ADPRM: variants seen among roughly 807,000 people sequenced by gnomAD.
The protein encoded by ADPRM is ADP-ribose/CDP-alcohol diphosphatase, manganese dependent.
A neutral mutation model predicts 27.2 loss-of-function variants in ADPRM; 17 were observed. That is an observed-to-expected ratio of 0.63 (90% CI 0.43 to 0.94). The LOEUF (loss-of-function observed/expected upper bound fraction) is 0.94. Ranked by LOEUF, ADPRM falls within the 40% of genes least tolerant of loss-of-function variation. The pLI is 0.00. For synonymous variants in ADPRM, 135 were observed against 145.3 expected (o/e 0.93, Z 0.51); for missense variants, 337 against 412.8 (o/e 0.82, Z 1.59).
chr17:10,710,152 A>G (rs931432553), intron 3 of ADPRM, among the ~76,000 whole-genome samples: 1 of 152,166 alleles, frequency 6.6e-6, no homozygotes, highest in Non-Finnish European at 1.5e-5. Flanking sequence ...CCCAGGCTGA[A>G]GTGTGGTGGT....
In ADPRM at chr17:10,702,296, T is replaced by C. The variant is rs2074784179; in HGVS notation, c.-17-2614T>C. On this transcript the variant is annotated intron_variant, in intron 1 of 3. Transcript: ENST00000379774. This position sits in a 1 kb window ranked among gnomAD's most constrained non-coding sequence, Gnocchi z 4.2. ...CCTTGGTGCTTCTCTCCACATTAAC[T>C]TTCCTTAAAAATTGCCAGTTCTTAG... Among the ~76,000 whole-genome samples the C allele has an allele frequency of 6.6e-6, 1 of 152,222 alleles. No individual in the cohort carries two copies. The highest frequency in any genetic ancestry group is 2.1e-4 in the South Asian group (1 of 4,836).
Position 10,711,314 on chromosome 17 carries a change from T to C in ADPRM, c.*170T>C. 1 of 640,136 alleles carries C rather than the reference T, an allele frequency of 1.6e-6. No individual in the cohort carries two copies. Among genetic ancestry groups the C allele is most frequent in the Non-Finnish European group, 2.6e-6 (1 of 382,106 alleles). The allele number at this position is 640,136 out of a possible 1,614,324, so 39.7% of individuals were successfully genotyped here. On this transcript the variant is annotated 3_prime_UTR_variant, in exon 4 of 4. Transcript: ENST00000379774. The stretch of plus-strand genomic sequence containing the variant: ...TACTCAGAAATGTTATTTTGGATCA[T>C]GTATCCATTGTAAGTTAGAAACAAA...
At chr17:10,707,805 T>C (rs1396915336) in intron 3 of ADPRM, among the ~76,000 whole-genome samples, 1 of 152,166 alleles carries the variant, frequency 6.6e-6, no homozygotes, top group African/African-American at 2.4e-5. Flanking sequence ...TCATATAGAA[T>C]CATTTTTGAT....
chr17:10,705,784 A>C lies in ADPRM; in HGVS notation c.601+257A>C. 1 of 492,612 alleles carries C rather than the reference A, an allele frequency of 2.0e-6. No homozygotes were observed. Among genetic ancestry groups the C allele is most frequent in the Non-Finnish European group, 3.6e-6 (1 of 277,888 alleles). 30.5% of individuals were successfully genotyped at this position (492,612 alleles called of 1,614,324 possible). ...CCGAGCTGTAAACAATACTAACAAT[A>C]TTACTTTTTTGATGGATGGAATGGA... On this transcript the variant is annotated intron_variant, in intron 2 of 3. Coordinates refer to ENST00000379774, the MANE Select transcript of ADPRM (RefSeq NM_020233.5). The surrounding 1 kb of genome is among the most constrained non-coding windows in gnomAD (Gnocchi z 5.4).
At position 10,710,994 on chromosome 17, in the gene ADPRM, C is replaced by T. The variant is rs146226049; in HGVS notation, c.879C>T (p.His293=). The change falls in exon 4 of 4, where the codon CAC becomes CAT. Residue 293 remains histidine (H), a synonymous_variant. Coordinates refer to ENST00000379774, the MANE Select transcript of ADPRM (RefSeq NM_020233.5). The part of the protein sequence containing the change: ...GYSEDPFGVY[H]VNLEGVIETA... Reference sequence around the variant, plus strand: ...CTGAGGATCCTTTTGGTGTATACCACGTCAACCTAGAAGGAGTTATTGAAA... The same window carrying T: ...CTGAGGATCCTTTTGGTGTATACCATGTCAACCTAGAAGGAGTTATTGAAA... 9.1e-4 allele frequency: 1,461 copies of T among 1,614,110 alleles called. 5 individuals carry two copies. The highest frequency in any genetic ancestry group is 1.4e-3 in the South Asian group (131 of 91,082).
chr17:10,702,910 T>C lies in ADPRM; in HGVS notation c.-17-2000T>C, dbSNP rs143199272. Among the ~76,000 whole-genome samples the C allele has an allele frequency of 2.7e-3, 415 of 152,302 alleles. 5 individuals carry two copies. Among genetic ancestry groups the C allele is most frequent in the African/African-American group, 9.5e-3 (394 of 41,562 alleles). The stretch of plus-strand genomic sequence containing the variant: ...TCCACTGGAGAGAAGATCCAATTCA[T>C]TGGGACTAAATCCCCTCTAGGAGAT... On this transcript the variant is annotated intron_variant, in intron 1 of 3. Coordinates refer to ENST00000379774, the MANE Select transcript of ADPRM (RefSeq NM_020233.5). This position sits in a 1 kb window ranked among gnomAD's most constrained non-coding sequence, Gnocchi z 4.2.
intron 3 of ADPRM, 84 bp from the exon 4 acceptor site, chr17:10,710,750 C>A: frequency 7.6e-7 from 1 of 1,319,708 alleles, no homozygotes; most frequent in Non-Finnish European, 1.0e-6. Context: ...TTTTCTTTTT[C>A]TGAGTACTAG....
At chr17:10,700,695 T>G (rs1346136436) in intron 1 of ADPRM, among the ~76,000 whole-genome samples, 1 of 150,070 alleles carries the variant, frequency 6.7e-6, no homozygotes, top group Non-Finnish European at 1.5e-5. Flanking sequence ...GCCCAGGAAG[T>G]CGAGGCTACA....
At chr17:10,708,204 G>T (rs1431322273) in intron 3 of ADPRM, among the ~76,000 whole-genome samples, 1 of 152,054 alleles carries the variant, frequency 6.6e-6, no homozygotes, top group Admixed American at 6.6e-5. Context: ...GCTGAGGTGG[G>T]CAGATCATGA....
Position 10,705,493 on chromosome 17 carries a change from G to A in ADPRM, c.567G>A (p.Glu189=). The part of the protein sequence containing the change: ...KYEQCMKILR[E]HNPNTELNSP... The stretch of plus-strand genomic sequence containing the variant: ...AGCAGTGTATGAAGATATTGAGGGA[G>A]CACAATCCAAATACGGAACTGAATA... The change falls in exon 2 of 4, where the codon GAG becomes GAA. Residue 189 remains glutamate, a synonymous_variant. Transcript: ENST00000379774. The surrounding 1 kb of genome is among the most constrained non-coding windows in gnomAD (Gnocchi z 5.4). The A allele has an allele frequency of 1.9e-6, 3 of 1,613,776 alleles. No individual in the cohort carries two copies. The highest frequency in any genetic ancestry group is 2.5e-6 in the Non-Finnish European group (3 of 1,179,926).
At chr17:10,706,617 A>G in intron 3 of ADPRM, 63 bp downstream of exon 3, 1 of 1,181,670 alleles carries the variant, frequency 8.5e-7, no homozygotes, top group Non-Finnish European at 1.2e-6. Context: ...TAGGCGTTAA[A>G]GCATACTAAC....
chr17:10,699,918 C>T (rs913539238), intron 1 of ADPRM, among the ~76,000 whole-genome samples: 1 of 152,152 alleles, frequency 6.6e-6, no homozygotes, highest in South Asian at 2.1e-4. Context: ...AGATTTTGTT[C>T]TTGACATAAC....
chr17:10,704,085 T>A (rs2074796735), intron 1 of ADPRM, among the ~76,000 whole-genome samples: 1 of 152,108 alleles, frequency 6.6e-6, no homozygotes, highest in East Asian at 1.9e-4. Context: ...GTCTCTTACC[T>A]GTAATCCCAG....
intron 3 of ADPRM, among the ~76,000 whole-genome samples, chr17:10,709,291 C>A (rs991442223): frequency 9.9e-5 from 15 of 152,020 alleles, no homozygotes; most frequent in Non-Finnish European, 2.1e-4. Flanking sequence ...GTTGAGTGGG[C>A]AGTTTGGACA....
Position 10,704,919 on chromosome 17 carries a change from T to G in ADPRM, c.-8T>G, listed in dbSNP as rs768033059. 4 of 1,561,594 alleles carry G rather than the reference T, an allele frequency of 2.6e-6. No homozygotes were observed. Among genetic ancestry groups the G allele is most frequent in the Non-Finnish European group, 1.7e-6 (2 of 1,157,492 alleles). ...TTTTTACTTTATTTAGAAACCTGTT[T>G]GGAGGTTATGGATGATAAACCCAAT... On this transcript the variant is annotated 5_prime_UTR_variant, in exon 2 of 4. Transcript: ENST00000379774.
rs759343229 is a variant in ADPRM at position 10,697,625 on chromosome 17, T to G, written c.-60T>G. ...CCCGCTCGTTGGTGGCGCTGTTACA[T>G]AGCCCGTAGTCAGAGGCCTTTCAGC... On this transcript the variant is annotated 5_prime_UTR_variant, in exon 1 of 4. Coordinates refer to ENST00000379774, the MANE Select transcript of ADPRM (RefSeq NM_020233.5). 1 of 1,285,266 alleles carries G rather than the reference T, an allele frequency of 7.8e-7. No individual in the cohort carries two copies. The highest frequency in any genetic ancestry group is 1.1e-6 in the Non-Finnish European group (1 of 904,996). 79.6% of individuals were successfully genotyped at this position (1,285,266 alleles called of 1,614,324 possible). A position where few individuals can be genotyped will look rare whatever the true frequency, so the allele number is the denominator to read the frequency against.
rs955764840 is a variant in ADPRM, at chr17:10,702,713, G to T, written c.-17-2197G>T. Among the ~76,000 whole-genome samples, 5 of 152,160 alleles carry T rather than the reference G, an allele frequency of 3.3e-5. No homozygotes were observed. Among genetic ancestry groups the T allele is most frequent in the African/African-American group, 1.2e-4 (5 of 41,436 alleles). Reference sequence around the variant, plus strand: ...TGGCCAGAGGAAACTGGGTTTTTACGGGCCAGGTCTGGGCCATGTGTCTGC... The same window carrying T: ...TGGCCAGAGGAAACTGGGTTTTTACTGGCCAGGTCTGGGCCATGTGTCTGC... On this transcript the variant is annotated intron_variant, in intron 1 of 3. Transcript: ENST00000379774. The surrounding 1 kb of genome is among the most constrained non-coding windows in gnomAD (Gnocchi z 4.2).
intron 3 of ADPRM, among the ~76,000 whole-genome samples, chr17:10,709,437 G>GA (rs1260122414): frequency 1.3e-5 from 2 of 152,172 alleles, no homozygotes; most frequent in Non-Finnish European, 1.5e-5. Flanking sequence ...GAAGTCCGAG[G>GA]ACCAAGCATT....
At chr17:10,710,455 G>A (rs1283724338) in intron 3 of ADPRM, among the ~76,000 whole-genome samples, 6 of 152,184 alleles carry the variant, frequency 3.9e-5, no homozygotes, top group Non-Finnish European at 8.8e-5. Flanking sequence ...CATATTTAAG[G>A]AAATCAATTG....
Sources: gnomAD v4.1 joint callset for allele counts (sites outside exome capture counted in the v4.1 genomes callset) on GRCh38, gnomAD v4.1.1 for gene constraint, Gnocchi (gnomAD v3.1) non-coding constraint, MANE v1.5 for transcripts, NCBI Gene and HGNC (gene_info 2026-07-23, HGNC 2026-07-21) for gene names.